The following TUSC3 variants were observed in gnomAD, a reference collection of about 807,000 sequenced individuals.
The protein encoded by TUSC3 is tumor suppressor candidate 3.
In TUSC3, 45 loss-of-function variants were observed where a neutral mutation model predicts 44.8. The ratio of observed to expected loss-of-function variants is 1.00; its 90% CI spans 0.79 to 1.29. TUSC3 has a LOEUF of 1.29. Among genes scored for constraint, TUSC3 ranks in the 50% most tolerant of loss-of-function variants. TUSC3 has a pLI of 0.00. For missense variants in TUSC3, 519 were observed against 437.9 expected (o/e 1.19, Z -1.65); for synonymous variants, 212 against 152.9 (o/e 1.39, Z -2.85).
At chr8:15,501,102 G>A (rs1340691093) in intron 2 of TUSC3, among the ~76,000 whole-genome samples, 1 of 151,946 alleles carries the variant, frequency 6.6e-6, no homozygotes, top group Non-Finnish European at 1.5e-5. Flanking sequence ...TAAACATTTG[G>A]CCCCTAGCAT....
intron 1 of TUSC3, among the ~76,000 whole-genome samples, chr8:15,541,956 T>G (rs972529946): frequency 4.6e-5 from 7 of 151,726 alleles, no homozygotes; most frequent in Non-Finnish European, 1.0e-4. Context: ...AATTTTCATT[T>G]GAAGGGTGTG....
At chr8:15,673,090 T>A (rs1477341270) in intron 5 of TUSC3, among the ~76,000 whole-genome samples, 1 of 152,030 alleles carries the variant, frequency 6.6e-6, no homozygotes, top group African/African-American at 2.4e-5. Context: ...ACTTCTGGTT[T>A]ATGCATTCTC....
chr8:15,664,141 A>G (rs1807549804), intron 5 of TUSC3, among the ~76,000 whole-genome samples: 1 of 151,754 alleles, frequency 6.6e-6, no homozygotes, highest in Non-Finnish European at 1.5e-5. Flanking sequence ...TATTGTCCTC[A>G]TTTATAAACA....
intron 3 of TUSC3, among the ~76,000 whole-genome samples, chr8:15,659,132 C>T (rs1486169065): frequency 6.6e-6 from 1 of 152,010 alleles, no homozygotes; most frequent in Non-Finnish European, 1.5e-5. Context: ...AAAATAACTG[C>T]TTAAGAAGTA....
the TUSC3 span, among the ~76,000 whole-genome samples, chr8:15,774,218 T>C: frequency 0.76 from 114,925 of 151,330 alleles, 43,824 homozygotes; most frequent in African/African-American, 0.8. Flanking sequence ...AAAAATGGAG[T>C]TTAAGCGTCA....
chr8:15,571,071 C>A (rs1802858759), intron 1 of TUSC3, among the ~76,000 whole-genome samples: 1 of 148,738 alleles, frequency 6.7e-6, no homozygotes, highest in Non-Finnish European at 1.5e-5. Context: ...ATTCTCCTGC[C>A]CCAGCCAGAG....
chr8:15,593,186 A>G (rs1444816330), intron 1 of TUSC3, among the ~76,000 whole-genome samples: 24 of 152,188 alleles, frequency 1.6e-4, no homozygotes, highest in Admixed American at 1.5e-3. Context: ...TCTGGGTTCA[A>G]GCGATTCTTC....
intron 2 of TUSC3, among the ~76,000 whole-genome samples, chr8:15,502,173 G>A (rs942197052): frequency 4.6e-5 from 7 of 152,136 alleles, no homozygotes; most frequent in Non-Finnish European, 8.8e-5. Flanking sequence ...AAGTCAAATT[G>A]CAAACTATGA....
downstream of TUSC3, among the ~76,000 whole-genome samples, chr8:15,767,603 G>C (rs1475223867): frequency 6.6e-6 from 1 of 152,142 alleles, no homozygotes; most frequent in Non-Finnish European, 1.5e-5. Flanking sequence ...TTCCTCCCCA[G>C]TCAGGAATGG....
chr8:15,649,056 G>A (rs1020513945), intron 2 of TUSC3, among the ~76,000 whole-genome samples: 1 of 152,296 alleles, frequency 6.6e-6, no homozygotes, highest in Non-Finnish European at 1.5e-5. Context: ...ATCCTGCACA[G>A]TTCTTGATAA....
At chr8:15,626,497 A>G (rs1805515785) in intron 2 of TUSC3, among the ~76,000 whole-genome samples, 1 of 152,190 alleles carries the variant, frequency 6.6e-6, no homozygotes, top group African/African-American at 2.4e-5. Context: ...GGACCAGTAT[A>G]TCCGTGTGCT....
chr8:15,838,169 C>T, the TUSC3 span, among the ~76,000 whole-genome samples: 2 of 152,128 alleles, frequency 1.3e-5, no homozygotes, highest in African/African-American at 4.8e-5. Flanking sequence ...ATCTTCCTAG[C>T]CTGTGCACAG....
chr8:15,538,608 A>G (rs1057098521), upstream of TUSC3, among the ~76,000 whole-genome samples: 1 of 152,176 alleles, frequency 6.6e-6, no homozygotes, highest in East Asian at 1.9e-4. Context: ...CTTAATCTGG[A>G]GTCCATGAAA....
chr8:15,506,797 C>T (rs993863239), intron 2 of TUSC3, among the ~76,000 whole-genome samples: 1 of 152,124 alleles, frequency 6.6e-6, no homozygotes, highest in African/African-American at 2.4e-5. Context: ...GATGAGATTT[C>T]GGTGGGTCAA....
intron 2 of TUSC3, among the ~76,000 whole-genome samples, chr8:15,506,272 G>A (rs1005570028): frequency 1.3e-5 from 2 of 152,142 alleles, no homozygotes; most frequent in African/African-American, 2.4e-5. Flanking sequence ...ACTCTCCCCT[G>A]AGGCTAGTTC....
chr8:15,429,287 C>T (rs1799842689), intron 1 of TUSC3, among the ~76,000 whole-genome samples: 2 of 152,040 alleles, frequency 1.3e-5, no homozygotes, highest in African/African-American at 4.8e-5. Context: ...TGCAGATATG[C>T]AGCATTATTT....
At chr8:15,780,088 G>T in the TUSC3 span, among the ~76,000 whole-genome samples, 1 of 152,176 alleles carries the variant, frequency 6.6e-6, no homozygotes, top group Non-Finnish European at 1.5e-5. Context: ...GGTGATGTCA[G>T]CAACATGGTA....
At chr8:15,483,400 G>C (rs1800689660) in exon 2 of TUSC3, 1 of 192,380 alleles carries the variant, frequency 5.2e-6, no homozygotes, top group African/African-American at 2.4e-5. Context: ...GAGTACAATG[G>C]CACCATCTCG....
chr8:15,628,411 A>G (rs749696336), intron 2 of TUSC3, among the ~76,000 whole-genome samples: 28 of 152,200 alleles, frequency 1.8e-4, no homozygotes, highest in Non-Finnish European at 3.4e-4. Flanking sequence ...CATCTAGCCT[A>G]TAACAACTTT....
Sources: allele counts gnomAD v4.1 joint callset (sites outside exome capture counted in the v4.1 genomes callset), GRCh38; gene constraint gnomAD v4.1.1; transcripts MANE v1.5; gene names NCBI Gene and HGNC (gene_info 2026-07-23, HGNC 2026-07-21).